ZBTB7C: variants seen among roughly 807,000 people sequenced by gnomAD.
ZBTB7C encodes the protein zinc finger and BTB domain containing 7C.
A neutral mutation model predicts 25.7 loss-of-function variants in ZBTB7C; 8 were observed. The ratio of observed to expected loss-of-function variants is 0.31; its 90% CI spans 0.18 to 0.56. ZBTB7C has a LOEUF of 0.56. Among genes scored for constraint, ZBTB7C ranks in the 20% least tolerant of loss-of-function variants. The pLI is 0.91. For synonymous variants in ZBTB7C, 394 were observed against 369.0 expected, an observed-to-expected ratio of 1.07 and a Z score of -0.78; for missense variants, 824 against 855.2, an observed-to-expected ratio of 0.96 and a Z score of 0.46.
At chr18:48,318,554 C>T (rs908597551) in intron 2 of ZBTB7C, among the ~76,000 whole-genome samples, 2 of 152,238 alleles carry the variant, frequency 1.3e-5, no homozygotes, top group Middle Eastern at 3.2e-3. Flanking sequence ...CGGCCCACGT[C>T]CTCCCTCTGG....
intron 3 of ZBTB7C, among the ~76,000 whole-genome samples, chr18:48,133,403 A>G (rs2040048074): frequency 6.6e-6 from 1 of 152,234 alleles, no homozygotes; most frequent in Non-Finnish European, 1.5e-5. Context: ...TAAACACAGG[A>G]TCAAGATGTA....
chr18:48,389,228 CTCTCTCTCGTGTGT>C (rs1343664695), intron 1 of ZBTB7C, among the ~76,000 whole-genome samples: 112 of 94,100 alleles, frequency 1.2e-3, no homozygotes, highest in South Asian at 3.2e-3. Flanking sequence ...CTCTCTCTCT[CTCTCTCTCGTGTGT>C]GTGTGTGTGT....
chr18:48,201,505 A>G (rs1264387977), intron 2 of ZBTB7C, among the ~76,000 whole-genome samples: 1 of 151,966 alleles, frequency 6.6e-6, no homozygotes, highest in Non-Finnish European at 1.5e-5. Flanking sequence ...TTCTTGAGGG[A>G]GCCCAGTGAC....
intron 3 of ZBTB7C, among the ~76,000 whole-genome samples, chr18:48,047,775 C>T (rs1176435182): frequency 6.6e-6 from 1 of 152,242 alleles, no homozygotes; most frequent in Non-Finnish European, 1.5e-5. Flanking sequence ...GCAATAATAG[C>T]TACCATTTAT....
At chr18:48,136,641 C>T (rs1225181726) in intron 3 of ZBTB7C, among the ~76,000 whole-genome samples, 5 of 152,338 alleles carry the variant, frequency 3.3e-5, no homozygotes, top group Non-Finnish European at 7.3e-5. Context: ...CTTCGGCTGG[C>T]CCCTCGCCCC....
rs780657090 is a variant in ZBTB7C, at chr18:48,082,402, T to C, written c.-16-41279A>G. 4.0e-4 allele frequency among the ~76,000 whole-genome samples: 61 copies of C among 152,202 alleles called. 1 individual carries two copies. The highest frequency in any genetic ancestry group is 7.3e-4 in the Non-Finnish European group (50 of 68,036). On this transcript the variant is annotated intron_variant, in intron 3 of 4. Transcript: ENST00000590800. ...CAACCCACCTACATTACCGAAGTCC[T>C]GTTCCTTATCTGCAGGAACCCAAGA...
intron 2 of ZBTB7C, among the ~76,000 whole-genome samples, chr18:48,294,092 C>A (rs2144703529): frequency 6.6e-6 from 1 of 152,368 alleles, no homozygotes; most frequent in East Asian, 1.9e-4. Flanking sequence ...GAAGGGCAAG[C>A]AAGCTGCTGG....
intron 1 of ZBTB7C, among the ~76,000 whole-genome samples, chr18:48,359,305 G>C (rs1321285171): frequency 6.6e-6 from 1 of 152,050 alleles, no homozygotes; most frequent in Non-Finnish European, 1.5e-5. Flanking sequence ...CTAGGGTGAA[G>C]GAAAGCTTTC....
chr18:48,245,574 AAAG>A lies in ZBTB7C; in HGVS notation c.-78-59582_-78-59580del, dbSNP rs1185109665. Among the ~76,000 whole-genome samples the A allele has an allele frequency of 3.3e-5, 5 of 152,096 alleles. No individual in the cohort carries two copies. The East Asian group carries it at 9.7e-4, about 29-fold the overall frequency. On this transcript the variant is annotated intron_variant, in intron 2 of 4. Coordinates refer to ENST00000590800, the MANE Select transcript of ZBTB7C (RefSeq NM_001318841.2). ...AACATATTTTTTAAGGAATAGAGGAAAAGAAGAAGAAAGTATCTCAAGCATCTT... is the reference window on the plus strand; with the variant it reads ...AACATATTTTTTAAGGAATAGAGGAAAAGAAGAAAGTATCTCAAGCATCTT...
chr18:48,363,060 T>C (rs1345875654), intron 1 of ZBTB7C, among the ~76,000 whole-genome samples: 1 of 152,116 alleles, frequency 6.6e-6, no homozygotes, highest in African/African-American at 2.4e-5. Flanking sequence ...TTCAAAACAA[T>C]GGGGACAGGA....
intron 2 of ZBTB7C, among the ~76,000 whole-genome samples, chr18:48,254,636 A>C (rs1490370771): frequency 6.6e-6 from 1 of 152,168 alleles, no homozygotes; most frequent in Non-Finnish European, 1.5e-5. Context: ...CAAGACGACG[A>C]ACCCCATGTA....
chr18:48,282,477 T>G (rs1478238979), intron 2 of ZBTB7C, among the ~76,000 whole-genome samples: 1 of 151,982 alleles, frequency 6.6e-6, no homozygotes, highest in East Asian at 1.9e-4. Flanking sequence ...AAAAAAAATT[T>G]AGTGTTATGA....
intron 3 of ZBTB7C, among the ~76,000 whole-genome samples, chr18:48,128,300 C>T (rs1193436345): frequency 4.6e-5 from 7 of 152,182 alleles, no homozygotes; most frequent in East Asian, 1.9e-4. Flanking sequence ...AAATGTGGCA[C>T]GATTAAAGTG....
At chr18:48,086,786 G>A (rs574839821) in intron 3 of ZBTB7C, among the ~76,000 whole-genome samples, 1 of 152,288 alleles carries the variant, frequency 6.6e-6, no homozygotes, top group South Asian at 2.1e-4. Context: ...TGTGTGATGT[G>A]CAACAGGCTT....
At chr18:48,076,265 A>C (rs554804661) in intron 3 of ZBTB7C, among the ~76,000 whole-genome samples, 1 of 152,316 alleles carries the variant, frequency 6.6e-6, no homozygotes, top group African/African-American at 2.4e-5. Flanking sequence ...ATCAGTCTCT[A>C]ATTTTATTTA....
intron 3 of ZBTB7C, chr18:48,165,405 C>A: frequency 2.9e-6 from 1 of 341,394 alleles, no homozygotes; most frequent in African/African-American, 2.2e-5. Context: ...TGGCCCAAGT[C>A]CTCCTCTGTA....
At chr18:48,280,048 G>T (rs529130176) in intron 2 of ZBTB7C, among the ~76,000 whole-genome samples, 2 of 152,208 alleles carry the variant, frequency 1.3e-5, no homozygotes, top group Admixed American at 6.5e-5. Flanking sequence ...GCTAGAGACA[G>T]AATGGTAAAT....
At chr18:48,178,464 C>T (rs1403810212) in intron 3 of ZBTB7C, among the ~76,000 whole-genome samples, 4 of 152,216 alleles carry the variant, frequency 2.6e-5, no homozygotes, top group Non-Finnish European at 5.9e-5. Flanking sequence ...AGAAGCATTA[C>T]AAGAAGGAAA....
chr18:48,059,410 C>T (rs963256258), intron 3 of ZBTB7C, among the ~76,000 whole-genome samples: 1 of 152,106 alleles, frequency 6.6e-6, no homozygotes, highest in South Asian at 2.1e-4. Context: ...TTGGCTGGTA[C>T]CCTCCTAAGT....
Sources: allele counts gnomAD v4.1 joint callset (sites outside exome capture counted in the v4.1 genomes callset), GRCh38; gene constraint gnomAD v4.1.1; transcripts MANE v1.5; gene names NCBI Gene and HGNC (gene_info 2026-07-23, HGNC 2026-07-21).